GABRA2: variants seen among roughly 807,000 people sequenced by gnomAD.
GABRA2 encodes gamma-aminobutyric acid type A receptor subunit alpha2.
In GABRA2, 16 loss-of-function variants were observed where a neutral mutation model predicts 48.7. That is an observed-to-expected ratio of 0.33 (90% CI 0.22 to 0.50). The LOEUF (loss-of-function observed/expected upper bound fraction) is 0.50. Among genes scored for constraint, GABRA2 ranks in the 20% least tolerant of loss-of-function variants. GABRA2 has a pLI of 0.98. For missense variants in GABRA2, 275 were observed against 535.6 expected (o/e 0.51, Z 4.80); for synonymous variants, 185 against 184.5 (o/e 1.00, Z -0.02).
At position 46,243,574 on chromosome 4, in the gene GABRA2, C is replaced by T. The variant is rs1713149793; in HGVS notation, c.*6734G>A. 1 of 151,306 alleles carries T rather than the reference C, an allele frequency of 6.6e-6. No individual in the cohort carries two copies. Among genetic ancestry groups the T allele is most frequent in the African/African-American group, 2.4e-5 (1 of 41,352 alleles). The allele number at this position is 151,306 out of a possible 1,614,324, so 9.4% of individuals were successfully genotyped here. Reference sequence around the variant, plus strand: ...ATATTTAAATCATTTTTAATAAATACAAAAAAGTTGTTTAGCATTAATTTG... The same window carrying T: ...ATATTTAAATCATTTTTAATAAATATAAAAAAGTTGTTTAGCATTAATTTG... On this transcript the variant is annotated 3_prime_UTR_variant, in exon 10 of 10. Coordinates refer to ENST00000381620, the MANE Select transcript of GABRA2 (RefSeq NM_000807.4).
intron 2 of GABRA2, among the ~76,000 whole-genome samples, chr4:46,388,059 A>G (rs1278081071): frequency 6.6e-6 from 1 of 152,160 alleles, no homozygotes; most frequent in Non-Finnish European, 1.5e-5. Context: ...GACTGTAAGC[A>G]TTTGAGAAAA....
At chr4:46,369,825 G>T (rs574812054) in intron 3 of GABRA2, among the ~76,000 whole-genome samples, 1 of 152,154 alleles carries the variant, frequency 6.6e-6, no homozygotes, top group African/African-American at 2.4e-5. Context: ...CGGGAGATTT[G>T]TTCCAAAGGA....
intron 8 of GABRA2, among the ~76,000 whole-genome samples, chr4:46,280,540 T>C (rs958729863): frequency 6.6e-6 from 1 of 152,118 alleles, no homozygotes; most frequent in Non-Finnish European, 1.5e-5. Context: ...GGAGAGCCAA[T>C]AAAGTTTGTA....
intron 8 of GABRA2, among the ~76,000 whole-genome samples, chr4:46,275,981 C>G (rs562724492): frequency 4.7e-4 from 72 of 152,122 alleles, no homozygotes; most frequent in African/African-American, 1.7e-3. Context: ...ATTTTACTAT[C>G]TAGTGATAAC....
chr4:46,268,628 G>A lies in GABRA2; in HGVS notation c.857-6500C>T, dbSNP rs115785998. 4.0e-3 allele frequency among the ~76,000 whole-genome samples: 612 copies of A among 151,856 alleles called. 6 individuals carry two copies. The highest frequency in any genetic ancestry group is 0.014 in the African/African-American group (585 of 41,500). ...CATAACTCTTATGGAAAACAGTATG[G>A]GAGTTTTTCAAAAAACAGAAAATAA... is the stretch of plus-strand genomic sequence containing the variant. On this transcript the variant is annotated intron_variant, in intron 8 of 9. Transcript: ENST00000381620.
chr4:46,329,844 G>A (rs1279862063), intron 4 of GABRA2, among the ~76,000 whole-genome samples: 9 of 151,774 alleles, frequency 5.9e-5, no homozygotes, highest in African/African-American at 1.2e-4. Context: ...GACTAAATGA[G>A]GTAAATAAAG....
intron 8 of GABRA2, among the ~76,000 whole-genome samples, chr4:46,272,050 A>T (rs1272256440): frequency 6.6e-6 from 1 of 151,846 alleles, no homozygotes; most frequent in African/African-American, 2.4e-5. Context: ...GTAATAACTG[A>T]GAATACACCA....
chr4:46,344,031 C>T (rs183452227), intron 3 of GABRA2, among the ~76,000 whole-genome samples: 1 of 151,982 alleles, frequency 6.6e-6, no homozygotes, highest in East Asian at 1.9e-4. Context: ...AATAATGTTC[C>T]ATGATGCTAG....
intron 3 of GABRA2, among the ~76,000 whole-genome samples, chr4:46,341,614 G>A (rs1314545874): frequency 6.6e-6 from 1 of 151,952 alleles, no homozygotes; most frequent in Non-Finnish European, 1.5e-5. Flanking sequence ...AGGATTAGGG[G>A]GAAGTAACAT....
intron 4 of GABRA2, among the ~76,000 whole-genome samples, chr4:46,314,518 TG>T (rs1355133623): frequency 1.3e-5 from 2 of 152,038 alleles, no homozygotes; most frequent in Non-Finnish European, 2.9e-5. Flanking sequence ...ATTTTAGATA[TG>T]GGGGCATATG....
chr4:46,302,994 C>T (rs1726008758), intron 8 of GABRA2, among the ~76,000 whole-genome samples: 1 of 152,138 alleles, frequency 6.6e-6, no homozygotes, highest in East Asian at 1.9e-4. Flanking sequence ...GTAATGGTGA[C>T]TAGAACACAT....
chr4:46,302,234 T>C lies in GABRA2; in HGVS notation c.856+1226A>G, dbSNP rs560000998. Among the ~76,000 whole-genome samples the C allele has an allele frequency of 3.9e-5, 6 of 152,148 alleles. No individual in the cohort carries two copies. In the South Asian group the frequency reaches 1.2e-3, roughly 32 times the overall value. ...TAGGTGTGCCACCAAGCTTGGCTAA[T>C]TATTTTTAGAGAGACAGGGTCTTGC... On this transcript the variant is annotated intron_variant, in intron 8 of 9. Transcript: ENST00000381620.
At chr4:46,342,080 G>T (rs955695545) in intron 3 of GABRA2, among the ~76,000 whole-genome samples, 20 of 107,616 alleles carry the variant, frequency 1.9e-4, no homozygotes, top group African/African-American at 8.8e-4. Context: ...CTGCCAGACT[G>T]CCACTTTTCA....
intron 3 of GABRA2, among the ~76,000 whole-genome samples, chr4:46,372,174 T>C (rs996126433): frequency 1.3e-5 from 2 of 152,192 alleles, no homozygotes; most frequent in African/African-American, 4.8e-5. Flanking sequence ...ACATTGCCAG[T>C]AGCTTACTGA....
chr4:46,350,250 T>C (rs1207000658), intron 3 of GABRA2, among the ~76,000 whole-genome samples: 1 of 151,920 alleles, frequency 6.6e-6, no homozygotes, highest in Non-Finnish European at 1.5e-5. Flanking sequence ...CTTATACCAG[T>C]ATCTTGAGTA....
chr4:46,371,565 A>T (rs999041003), intron 3 of GABRA2, among the ~76,000 whole-genome samples: 12 of 151,436 alleles, frequency 7.9e-5, no homozygotes, highest in Non-Finnish European at 1.5e-4. Flanking sequence ...ATTAGTTTTA[A>T]TTTTTTCTAC....
intron 4 of GABRA2, among the ~76,000 whole-genome samples, chr4:46,330,038 T>A (rs1253567644): frequency 6.6e-6 from 1 of 152,114 alleles, no homozygotes; most frequent in African/African-American, 2.4e-5. Context: ...TGGGTGTGCA[T>A]ATACATACTC....
At chr4:46,326,436 G>A (rs2109779721) in intron 4 of GABRA2, among the ~76,000 whole-genome samples, 1 of 151,038 alleles carries the variant, frequency 6.6e-6, no homozygotes, top group Admixed American at 6.6e-5. Flanking sequence ...GAGGGCTGTA[G>A]CACAGATATC....
At chr4:46,298,067 T>C (rs1215333580) in intron 8 of GABRA2, among the ~76,000 whole-genome samples, 1 of 152,186 alleles carries the variant, frequency 6.6e-6, no homozygotes, top group Non-Finnish European at 1.5e-5. Flanking sequence ...CAGTTATTTC[T>C]AGCTTTATTC....
Sources: gnomAD v4.1 joint callset for allele counts (sites outside exome capture counted in the v4.1 genomes callset) on GRCh38, gnomAD v4.1.1 for gene constraint, MANE v1.5 for transcripts, NCBI Gene and HGNC (gene_info 2026-07-23, HGNC 2026-07-21) for gene names.